The following DNAJC5 variants were observed in gnomAD, a reference collection of about 807,000 sequenced individuals.
The protein encoded by DNAJC5 is dnaJ homolog subfamily C member 5.
In DNAJC5, 1 loss-of-function variant was observed where a neutral mutation model predicts 23.2. That is an observed-to-expected ratio of 0.04 (90% CI 0.02 to 0.20). The LOEUF is 0.20. Among genes scored for constraint, DNAJC5 ranks in the 10% least tolerant of loss-of-function variants. The probability of loss-of-function intolerance (pLI) is 1.00; values close to 1 mark genes in which losing one functional copy is unlikely to be tolerated. For synonymous variants in DNAJC5, 136 were observed against 120.0 expected (o/e 1.13, Z -0.87); for missense variants, 180 against 267.0 (o/e 0.67, Z 2.27).
intron 1 of DNAJC5, among the ~76,000 whole-genome samples, chr20:63,911,138 C>T (rs1204294286): frequency 1.3e-5 from 2 of 152,202 alleles, no homozygotes; most frequent in African/African-American, 2.4e-5. Context: ...CAAACATTCA[C>T]TGAATGCTCT....
chr20:63,896,646 C>G (rs893667854), intron 1 of DNAJC5, among the ~76,000 whole-genome samples: 1 of 152,158 alleles, frequency 6.6e-6, no homozygotes, highest in Non-Finnish European at 1.5e-5. Context: ...CCTAGCCTGG[C>G]GACTGCCTGC....
intron 1 of DNAJC5, among the ~76,000 whole-genome samples, chr20:63,899,492 G>T (rs1011418271): frequency 2.6e-5 from 4 of 152,184 alleles, no homozygotes; most frequent in Non-Finnish European, 5.9e-5. Context: ...ATAGATACAG[G>T]TCATTAGAAA....
rs1287190001 is a variant in DNAJC5, at chr20:63,930,957, G to C, written c.428G>C (p.Gly143Ala). The C allele has an allele frequency of 6.2e-7, 1 of 1,614,178 alleles. No homozygotes were observed. Among genetic ancestry groups the C allele is most frequent in the Admixed American group, 1.7e-5 (1 of 60,032 alleles). The change falls in exon 4 of 5, where the codon GGC (glycine) becomes GCC (alanine). Residue 143 changes from glycine (G) to alanine (A), a missense_variant. Transcript: ENST00000360864. ...CGKCKPKAPE[G>A]EETEFYVSPE... is the part of the protein sequence containing the mutation. ...AAGTGTAAGCCCAAGGCGCCTGAAG[G>C]CGAGGAGACGGAGTTCTACGTGTCC...
intron 1 of DNAJC5, among the ~76,000 whole-genome samples, chr20:63,923,678 T>C (rs1284551066): frequency 6.6e-6 from 1 of 152,088 alleles, no homozygotes; most frequent in African/African-American, 2.4e-5. Flanking sequence ...TGAGCTGAAA[T>C]GTGACCACTG....
At chr20:63,896,960 G>C (rs1236772205) in intron 1 of DNAJC5, among the ~76,000 whole-genome samples, 2 of 152,132 alleles carry the variant, frequency 1.3e-5, no homozygotes, top group African/African-American at 2.4e-5. Context: ...TTGGCCCTCA[G>C]GACAGAGAGC....
chr20:63,913,398 CT>C (rs1156495840), intron 1 of DNAJC5, among the ~76,000 whole-genome samples: 372 of 142,662 alleles, frequency 2.6e-3, no homozygotes, highest in Middle Eastern at 3.6e-3. Context: ...TTTTTTCTTT[CT>C]TTTTTTTTTT....
At chr20:63,916,070 A>G (rs1009682340) in intron 1 of DNAJC5, among the ~76,000 whole-genome samples, 1 of 152,156 alleles carries the variant, frequency 6.6e-6, no homozygotes, top group Non-Finnish European at 1.5e-5. Flanking sequence ...AGTAGCTGGG[A>G]TTACAGGCGT....
At position 63,895,176 on chromosome 20, in the gene DNAJC5, T is replaced by TGCCGCACCCGCGCCCTCTGCCGCCGCC. The variant is rs2053364545; in HGVS notation, c.-153_-127dup. The TGCCGCACCCGCGCCCTCTGCCGCCGCC allele has an allele frequency of 6.5e-6, 1 of 154,056 alleles. No individual in the cohort carries two copies. The highest frequency in any genetic ancestry group is 2.4e-5 in the African/African-American group (1 of 41,128). 9.5% of individuals were successfully genotyped at this position (154,056 alleles called of 1,614,324 possible). On this transcript the variant is annotated 5_prime_UTR_variant, in exon 1 of 5. Transcript: ENST00000360864. ...CTGCCGCTGCCGCTGCCGCTGCCGGTGCCGCACCCGCGCCCTCTGCCGCCG... is the reference window on the plus strand; with the variant it reads ...CTGCCGCTGCCGCTGCCGCTGCCGGTGCCGCACCCGCGCCCTCTGCCGCCGCCGCCGCACCCGCGCCCTCTGCCGCCG...
intron 1 of DNAJC5, among the ~76,000 whole-genome samples, chr20:63,895,806 C>T (rs967868558): frequency 7.2e-5 from 11 of 152,182 alleles, no homozygotes; most frequent in Non-Finnish European, 1.5e-4. Flanking sequence ...GTAAATTAAT[C>T]TTTCCGACGT....
Position 63,926,907 on chromosome 20 carries a change from G to C in DNAJC5, c.-11-1428G>C, listed in dbSNP as rs139301681. On this transcript the variant is annotated intron_variant, in intron 1 of 4. Transcript: ENST00000360864. Reference sequence around the variant, plus strand: ...AAGGAGACATGAAATTAACCGTCATGTACACTGTATTTATTATTCAATTCA... The same window carrying C: ...AAGGAGACATGAAATTAACCGTCATCTACACTGTATTTATTATTCAATTCA... Among the ~76,000 whole-genome samples, 308 of 152,202 alleles carry C rather than the reference G, an allele frequency of 2.0e-3. 3 individuals carry two copies. Among genetic ancestry groups the C allele is most frequent in the African/African-American group, 7.0e-3 (291 of 41,578 alleles).
At chr20:63,910,543 GA>G (rs1183484931) in intron 1 of DNAJC5, among the ~76,000 whole-genome samples, 34 of 146,188 alleles carry the variant, frequency 2.3e-4, no homozygotes, top group East Asian at 6.1e-4. Flanking sequence ...ACTCCCTCTC[GA>G]AAAAAAAAAG....
intron 1 of DNAJC5, among the ~76,000 whole-genome samples, chr20:63,927,545 C>CA (rs36027317): frequency 3.0e-4 from 40 of 133,354 alleles, no homozygotes; most frequent in East Asian, 9.8e-4. Flanking sequence ...TCCCCCCCCC[C>CA]AAAAAAGAAA....
rs2053672989 is a variant in DNAJC5 at position 63,931,654 on chromosome 20, A to G, written c.*86A>G. 5 of 1,385,178 alleles carry G rather than the reference A, an allele frequency of 3.6e-6. No homozygotes were observed. The highest frequency in any genetic ancestry group is 1.2e-5 in the South Asian group (1 of 80,918). 85.8% of individuals were successfully genotyped at this position (1,385,178 alleles called of 1,614,324 possible). ...ATGAACTGTAGTCACAGAGATGGGAAGGCAGCCTCCTGCCTGCCCTGGCCT... is the reference window on the plus strand; with the variant it reads ...ATGAACTGTAGTCACAGAGATGGGAGGGCAGCCTCCTGCCTGCCCTGGCCT... On this transcript the variant is annotated 3_prime_UTR_variant, in exon 5 of 5. Transcript: ENST00000360864. The surrounding 1 kb of genome is among the most constrained non-coding windows in gnomAD (Gnocchi z 9.6).
intron 1 of DNAJC5, among the ~76,000 whole-genome samples, chr20:63,917,658 C>T (rs185628575): frequency 4.9e-4 from 74 of 152,218 alleles, no homozygotes; most frequent in African/African-American, 1.5e-3. Context: ...CGGATTCAAG[C>T]GATTTTCCTG....
chr20:63,903,361 G>A (rs1216009413), intron 1 of DNAJC5, among the ~76,000 whole-genome samples: 1 of 152,162 alleles, frequency 6.6e-6, no homozygotes, highest in African/African-American at 2.4e-5. Flanking sequence ...AGACTGGAGA[G>A]CAGTGGTGCG....
At position 63,931,365 on chromosome 20, in the gene DNAJC5, G is replaced by A; in HGVS notation, c.494-100G>A. The A allele has an allele frequency of 8.7e-7, 1 of 1,151,926 alleles. No individual in the cohort carries two copies. Among genetic ancestry groups the A allele is most frequent in the Non-Finnish European group, 1.3e-6 (1 of 798,342 alleles). 71.4% of individuals were successfully genotyped at this position (1,151,926 alleles called of 1,614,324 possible). ...GGTCAGCGAGTAGCCTCTCCCGGTG[G>A]AGAGTTTGTCCAGGTGCCCGAAAGT... On this transcript the variant is annotated intron_variant, in intron 4 of 4. Transcript: ENST00000360864. The surrounding 1 kb of genome is among the most constrained non-coding windows in gnomAD (Gnocchi z 9.6).
chr20:63,895,669 G>A (rs2053370197), intron 1 of DNAJC5, among the ~76,000 whole-genome samples: 1 of 151,370 alleles, frequency 6.6e-6, no homozygotes, highest in African/African-American at 2.4e-5. Flanking sequence ...CCAACCCCCC[G>A]GGGTCTCCTC....
At chr20:63,914,907 C>G (rs1482191833) in intron 1 of DNAJC5, among the ~76,000 whole-genome samples, 1 of 152,070 alleles carries the variant, frequency 6.6e-6, no homozygotes, top group Non-Finnish European at 1.5e-5. Flanking sequence ...TGAACCACCA[C>G]GCCCGGCCAG....
At chr20:63,916,470 T>C (rs745974207) in intron 1 of DNAJC5, among the ~76,000 whole-genome samples, 5 of 151,656 alleles carry the variant, frequency 3.3e-5, no homozygotes, top group Non-Finnish European at 7.4e-5. Context: ...GAACAGGGAG[T>C]AGGTCACAAG....
Sources: allele counts gnomAD v4.1 joint callset (sites outside exome capture counted in the v4.1 genomes callset), GRCh38; gene constraint gnomAD v4.1.1; non-coding constraint Gnocchi (gnomAD v3.1); transcripts MANE v1.5; gene names NCBI Gene and HGNC (gene_info 2026-07-23, HGNC 2026-07-21).